Variants in ADARB2 observed in about 807,000 individuals in gnomAD.
The protein encoded by ADARB2 is inactive double-stranded RNA-specific editase B2.
ADARB2 carries 25 observed loss-of-function variants against 62.2 expected under a neutral mutation model. The ratio of observed to expected loss-of-function variants is 0.40; its 90% CI spans 0.29 to 0.56. The LOEUF (loss-of-function observed/expected upper bound fraction) is 0.56, where lower values mean the gene tolerates loss of function less well. Among genes scored for constraint, ADARB2 ranks in the 20% least tolerant of loss-of-function variants. ADARB2 has a pLI of 0.43. For missense variants in ADARB2, 1,071 were observed against 1,077.4 expected, an observed-to-expected ratio of 0.99 and a Z score of 0.08; for synonymous variants, 572 against 500.8, an observed-to-expected ratio of 1.14 and a Z score of -1.90.
At chr10:1,259,665 A>G (rs2131789137) in intron 4 of ADARB2, among the ~76,000 whole-genome samples, 1 of 152,356 alleles carries the variant, frequency 6.6e-6, no homozygotes, top group South Asian at 2.1e-4. Context: ...TTAATAGCTT[A>G]CCAACCAAAA....
At chr10:1,408,737 C>G (rs1429380423) in intron 1 of ADARB2, among the ~76,000 whole-genome samples, 1 of 152,200 alleles carries the variant, frequency 6.6e-6, no homozygotes, top group African/African-American at 2.4e-5. Context: ...CCTTTGTTCA[C>G]TGGGCTCTGG....
chr10:1,409,009 C>T (rs1053240629), intron 1 of ADARB2, among the ~76,000 whole-genome samples: 3 of 152,182 alleles, frequency 2.0e-5, no homozygotes, highest in Admixed American at 6.5e-5. Flanking sequence ...GAGGCTGGGC[C>T]GGCTGTGCTG....
chr10:1,582,992 CT>C (rs1424053385), intron 1 of ADARB2, among the ~76,000 whole-genome samples: 2 of 152,358 alleles, frequency 1.3e-5, no homozygotes, highest in East Asian at 3.9e-4. Flanking sequence ...ACTTGTGTCT[CT>C]GTATTCCCAG....
chr10:1,193,718 A>G lies in ADARB2; in HGVS notation c.1864+6248T>C, dbSNP rs147743236. Among the ~76,000 whole-genome samples, 41 of 152,252 alleles carry G rather than the reference A, an allele frequency of 2.7e-4. No homozygotes were observed. The East Asian group carries it at 7.5e-3, about 28-fold the overall frequency. On this transcript the variant is annotated intron_variant, in intron 8 of 9. Coordinates refer to ENST00000381312, the MANE Select transcript of ADARB2 (RefSeq NM_018702.4). The stretch of plus-strand genomic sequence containing the variant: ...CGTTTTTGAAGGATGCTTTTTCTTG[A>G]TATCAGATCGTAAGTTGAGATTGTT...
At chr10:1,264,197 C>G (rs1413667092) in intron 4 of ADARB2, among the ~76,000 whole-genome samples, 1 of 152,068 alleles carries the variant, frequency 6.6e-6, no homozygotes, top group Non-Finnish European at 1.5e-5. Context: ...CATCTTTCAT[C>G]GCAGCATGAG....
chr10:1,451,887 G>A (rs1448444130), intron 1 of ADARB2, among the ~76,000 whole-genome samples: 1 of 152,248 alleles, frequency 6.6e-6, no homozygotes, highest in African/African-American at 2.4e-5. Context: ...CCACATGTGA[G>A]ACAGATGGGA....
intron 1 of ADARB2, among the ~76,000 whole-genome samples, chr10:1,666,888 T>C (rs1043745746): frequency 2.0e-5 from 3 of 152,238 alleles, no homozygotes; most frequent in South Asian, 4.1e-4. Flanking sequence ...CCAAGGGTTT[T>C]GTAGACCCAT....
intron 1 of ADARB2, among the ~76,000 whole-genome samples, chr10:1,387,797 G>GA (rs933188758): frequency 2.0e-4 from 31 of 151,740 alleles, no homozygotes; most frequent in Non-Finnish European, 3.8e-4. Flanking sequence ...GATGTTATAA[G>GA]AAAAAAAACC....
At chr10:1,498,229 C>G (rs965040700) in intron 1 of ADARB2, among the ~76,000 whole-genome samples, 1 of 151,780 alleles carries the variant, frequency 6.6e-6, no homozygotes, top group Non-Finnish European at 1.5e-5. Flanking sequence ...AAAAAATTGG[C>G]CAGGCATGGT....
chr10:1,683,307 A>G (rs762042031), intron 1 of ADARB2, among the ~76,000 whole-genome samples: 4 of 152,242 alleles, frequency 2.6e-5, no homozygotes, highest in Non-Finnish European at 4.4e-5. Flanking sequence ...AAGGAATCCA[A>G]CTGACCTGAT....
At chr10:1,408,908 C>T (rs931169578) in intron 1 of ADARB2, among the ~76,000 whole-genome samples, 3 of 152,300 alleles carry the variant, frequency 2.0e-5, no homozygotes, top group East Asian at 3.9e-4. Context: ...AGGGTGGCCG[C>T]GGCTCCTCAC....
intron 1 of ADARB2, among the ~76,000 whole-genome samples, chr10:1,400,378 G>A (rs929956198): frequency 6.6e-6 from 1 of 152,208 alleles, no homozygotes; most frequent in African/African-American, 2.4e-5. Context: ...AGTGCACAGA[G>A]TGAGACACAT....
chr10:1,445,387 C>T (rs931959309), intron 1 of ADARB2, among the ~76,000 whole-genome samples: 1 of 151,256 alleles, frequency 6.6e-6, no homozygotes, highest in Admixed American at 6.6e-5. Context: ...CATTCATCCA[C>T]CCATTCATCA....
intron 1 of ADARB2, among the ~76,000 whole-genome samples, chr10:1,689,475 T>C (rs1834641139): frequency 6.6e-6 from 1 of 152,216 alleles, no homozygotes. Flanking sequence ...ATAATGTCTG[T>C]GTGTCCCTCT....
At chr10:1,579,029 G>A (rs966229346) in intron 1 of ADARB2, among the ~76,000 whole-genome samples, 13 of 152,146 alleles carry the variant, frequency 8.5e-5, no homozygotes, top group Non-Finnish European at 1.2e-4. Context: ...GATAGCGAGC[G>A]GGATGGATCA....
intron 1 of ADARB2, chr10:1,556,549 A>C (rs923003942): frequency 5.1e-6 from 2 of 395,338 alleles, no homozygotes; most frequent in Non-Finnish European, 1.1e-5. Flanking sequence ...TATTAACTGG[A>C]GATTTCGACT....
At chr10:1,320,271 A>G (rs1831783170) in intron 3 of ADARB2, among the ~76,000 whole-genome samples, 1 of 152,194 alleles carries the variant, frequency 6.6e-6, no homozygotes, top group Non-Finnish European at 1.5e-5. Context: ...AATAAACATC[A>G]TTGTCTTTAA....
At chr10:1,517,204 A>C (rs1489760704) in intron 1 of ADARB2, among the ~76,000 whole-genome samples, 1 of 152,100 alleles carries the variant, frequency 6.6e-6, no homozygotes, top group African/African-American at 2.4e-5. Flanking sequence ...TTTTTTGGAA[A>C]AGGGCACTAC....
intron 1 of ADARB2, among the ~76,000 whole-genome samples, chr10:1,471,437 C>A (rs947177504): frequency 2.2e-4 from 33 of 152,166 alleles, no homozygotes; most frequent in African/African-American, 7.9e-4. Context: ...GTTGCCCAGG[C>A]TGGAGTGCAA....
Sources: allele counts gnomAD v4.1 joint callset (sites outside exome capture counted in the v4.1 genomes callset), GRCh38; gene constraint gnomAD v4.1.1; transcripts MANE v1.5; gene names NCBI Gene and HGNC (gene_info 2026-07-23, HGNC 2026-07-21).